Variants in TTC28 observed in about 807,000 individuals in gnomAD.
The protein encoded by TTC28 is tetratricopeptide repeat domain 28.
TTC28 carries 61 observed loss-of-function variants against 198.0 expected under a neutral mutation model. The ratio of observed to expected loss-of-function variants is 0.31; its 90% CI spans 0.25 to 0.38. TTC28 has a LOEUF of 0.38. Among genes scored for constraint, TTC28 ranks in the 10% least tolerant of loss-of-function variants. The probability of loss-of-function intolerance (pLI) is 1.00; values close to 1 mark genes in which losing one functional copy is unlikely to be tolerated. For synonymous variants in TTC28, 1,171 were observed against 1,297.8 expected (o/e 0.90, Z 2.10); for missense variants, 2,678 against 3,164.0 (o/e 0.85, Z 3.69).
At chr22:28,591,005 TCAAACACACACA>T (rs2050416850) in intron 2 of TTC28, among the ~76,000 whole-genome samples, 1 of 45,518 alleles carries the variant, frequency 2.2e-5, no homozygotes, top group East Asian at 7.9e-4. Context: ...AAACTCTGCC[TCAAACACACACA>T]CACACACACA....
At chr22:28,467,927 A>T (rs1050466224) in intron 2 of TTC28, among the ~76,000 whole-genome samples, 2 of 151,740 alleles carry the variant, frequency 1.3e-5, no homozygotes, top group Admixed American at 6.6e-5. Flanking sequence ...GCGCCCGGCT[A>T]ATTTTTTTCT....
chr22:28,156,436 C>T (rs183711801), intron 6 of TTC28, among the ~76,000 whole-genome samples: 48 of 152,288 alleles, frequency 3.2e-4, no homozygotes, highest in African/African-American at 1.1e-3. Context: ...GACTTTAGCC[C>T]AGCGAAGCTG....
intron 1 of TTC28, among the ~76,000 whole-genome samples, chr22:28,670,109 C>G (rs2051855390): frequency 7.4e-6 from 1 of 134,388 alleles, no homozygotes; most frequent in South Asian, 2.4e-4. Flanking sequence ...GGGGGGGGGG[C>G]AAATAAAGAC....
chr22:28,496,288 T>C (rs1348833342), intron 2 of TTC28, among the ~76,000 whole-genome samples: 5 of 152,116 alleles, frequency 3.3e-5, no homozygotes, highest in African/African-American at 7.2e-5. Flanking sequence ...GAACTCCAGA[T>C]TGCTATATCC....
chr22:28,201,431 T>C (rs1925929578), intron 5 of TTC28, among the ~76,000 whole-genome samples: 1 of 152,086 alleles, frequency 6.6e-6, no homozygotes. Context: ...AAGGAAGGCT[T>C]ATCAGAGAAA....
chr22:28,674,395 A>G (rs1336443113), intron 1 of TTC28, among the ~76,000 whole-genome samples: 1 of 151,978 alleles, frequency 6.6e-6, no homozygotes, highest in African/African-American at 2.4e-5. Flanking sequence ...AAGATAAAAA[A>G]CAAATATCAA....
At chr22:28,626,339 C>A (rs2051076334) in intron 2 of TTC28, among the ~76,000 whole-genome samples, 1 of 151,906 alleles carries the variant, frequency 6.6e-6, no homozygotes, top group Non-Finnish European at 1.5e-5. Flanking sequence ...GTCTCTGGAG[C>A]CTTTAGATCC....
chr22:28,473,909 CA>C (rs2048129521), intron 2 of TTC28, among the ~76,000 whole-genome samples: 1 of 152,212 alleles, frequency 6.6e-6, no homozygotes, highest in Non-Finnish European at 1.5e-5. Flanking sequence ...CAAAAGAAAT[CA>C]ACCCTCCTGA....
chr22:28,089,991 C>T (rs1360337896), intron 12 of TTC28, among the ~76,000 whole-genome samples: 2 of 151,810 alleles, frequency 1.3e-5, no homozygotes, highest in Admixed American at 6.6e-5. Flanking sequence ...AGAAGGATAG[C>T]ATTAGGAGAT....
chr22:28,030,185 C>G (rs1939015700), intron 13 of TTC28, 41 bp downstream of exon 13: 2 of 1,548,968 alleles, frequency 1.3e-6, no homozygotes, highest in Non-Finnish European at 8.7e-7. Context: ...CTCAGAGCAC[C>G]CTGCCCTGCA....
chr22:28,404,040 C>T (rs571406580), intron 2 of TTC28, among the ~76,000 whole-genome samples: 1 of 152,258 alleles, frequency 6.6e-6, no homozygotes, highest in South Asian at 2.1e-4. Flanking sequence ...GCTCCAGAGG[C>T]AAATGACACA....
intron 5 of TTC28, among the ~76,000 whole-genome samples, chr22:28,286,136 T>G (rs1039548609): frequency 6.6e-6 from 1 of 151,882 alleles, no homozygotes; most frequent in African/African-American, 2.4e-5. Context: ...AGGTTCAAGA[T>G]TATTAAGTAA....
chr22:28,555,996 G>T (rs779728325), intron 2 of TTC28, among the ~76,000 whole-genome samples: 1 of 151,134 alleles, frequency 6.6e-6, no homozygotes. Flanking sequence ...ATTTTCCTTC[G>T]CCATAAAATA....
intron 1 of TTC28, among the ~76,000 whole-genome samples, chr22:28,679,134 T>G (rs10084639): frequency 0.14 from 20,817 of 152,200 alleles, 1,679 homozygotes; most frequent in African/African-American, 0.2. Flanking sequence ...ACAACGCTCT[T>G]TGATGAGCCA....
intron 5 of TTC28, among the ~76,000 whole-genome samples, chr22:28,239,715 G>A (rs1235322044): frequency 1.3e-5 from 2 of 151,970 alleles, no homozygotes; most frequent in African/African-American, 4.8e-5. Flanking sequence ...GCTCTCACAG[G>A]AAACATTGAT....
chr22:28,127,303 A>G (rs1942941630), intron 6 of TTC28, among the ~76,000 whole-genome samples: 1 of 152,196 alleles, frequency 6.6e-6, no homozygotes, highest in Admixed American at 6.5e-5. Flanking sequence ...GAGAACATTT[A>G]TAACTAAGGG....
intron 2 of TTC28, among the ~76,000 whole-genome samples, chr22:28,425,374 T>C (rs1569318352): frequency 6.6e-6 from 1 of 152,214 alleles, no homozygotes; most frequent in Non-Finnish European, 1.5e-5. Flanking sequence ...GCTAAATGCC[T>C]TTTACAAGTC....
At chr22:28,152,309 T>C (rs1395569614) in intron 6 of TTC28, among the ~76,000 whole-genome samples, 2 of 152,160 alleles carry the variant, frequency 1.3e-5, no homozygotes, top group Non-Finnish European at 2.9e-5. Flanking sequence ...GGGTGGCCCA[T>C]AACTCTTCTA....
intron 6 of TTC28, among the ~76,000 whole-genome samples, chr22:28,156,796 G>A (rs1281904386): frequency 3.3e-5 from 5 of 152,122 alleles, no homozygotes; most frequent in Admixed American, 6.6e-5. Flanking sequence ...CAAAACCTAC[G>A]GGATGCAGCA....
Sources: allele counts gnomAD v4.1 joint callset (sites outside exome capture counted in the v4.1 genomes callset), GRCh38; gene constraint gnomAD v4.1.1; transcripts MANE v1.5; gene names NCBI Gene and HGNC (gene_info 2026-07-23, HGNC 2026-07-21).